Variants in CPNE5 observed in about 807,000 individuals in gnomAD.
CPNE5 encodes copine-5.
In CPNE5, 42 loss-of-function variants were observed where a neutral mutation model predicts 81.1. The ratio of observed to expected loss-of-function variants is 0.52; its 90% CI spans 0.40 to 0.67. The LOEUF (loss-of-function observed/expected upper bound fraction) is 0.67, where lower values mean the gene tolerates loss of function less well. Among genes scored for constraint, CPNE5 ranks in the 30% least tolerant of loss-of-function variants. The pLI, the probability that CPNE5 is intolerant of heterozygous loss-of-function variation, is 0.00. For synonymous variants in CPNE5, 313 were observed against 321.5 expected (o/e 0.97, Z 0.28); for missense variants, 612 against 815.5 (o/e 0.75, Z 3.04).
At chr6:36,760,590 A>G (rs1318439335) in intron 12 of CPNE5, among the ~76,000 whole-genome samples, 1 of 152,126 alleles carries the variant, frequency 6.6e-6, no homozygotes, top group Non-Finnish European at 1.5e-5. Flanking sequence ...GTGGTAGGCG[A>G]GCAGTGTTTG....
chr6:36,780,733 C>CCATTCATTCACTCACTCACT (rs1767972997), intron 8 of CPNE5, among the ~76,000 whole-genome samples: 1 of 152,228 alleles, frequency 6.6e-6, no homozygotes, highest in South Asian at 2.1e-4. Context: ...AACACAGCCT[C>CCATTCATTCACTCACTCACT]CATTCATTCA....
chr6:36,788,208 T>A (rs552856074), intron 8 of CPNE5, among the ~76,000 whole-genome samples: 28 of 149,758 alleles, frequency 1.9e-4, no homozygotes, highest in South Asian at 1.0e-3. Context: ...TTTAAAAAAA[T>A]TTTTTTGTAG....
chr6:36,788,644 C>G (rs1011509184), intron 8 of CPNE5, among the ~76,000 whole-genome samples: 2 of 147,208 alleles, frequency 1.4e-5, no homozygotes, highest in Non-Finnish European at 3.1e-5. Context: ...CAGTAACAAT[C>G]GTTTTACTGC....
At chr6:36,799,280 A>G (rs1769888013) in intron 4 of CPNE5, among the ~76,000 whole-genome samples, 1 of 152,084 alleles carries the variant, frequency 6.6e-6, no homozygotes, top group Non-Finnish European at 1.5e-5. Context: ...CTCAGCTTCA[A>G]TACCTCCCAT....
Position 36,741,861 on chromosome 6 carries a change from A to T in CPNE5, c.*407T>A, listed in dbSNP as rs1333510033. ...GGGCGGGGCTCAGGGACAGGAGTAG[A>T]CACCATGGGAGGATGGGACGGAGAT... is the stretch of plus-strand genomic sequence containing the variant. On this transcript the variant is annotated 3_prime_UTR_variant, in exon 21 of 21. Coordinates refer to ENST00000244751, the MANE Select transcript of CPNE5 (RefSeq NM_020939.2). The T allele has an allele frequency of 5.3e-6, 1 of 188,202 alleles. No individual in the cohort carries two copies. The highest frequency in any genetic ancestry group is 1.1e-5 in the Non-Finnish European group (1 of 91,532). The allele number at this position is 188,202 out of a possible 1,614,324, so 11.7% of individuals were successfully genotyped here.
At chr6:36,765,044 G>A (rs542026869) in intron 11 of CPNE5, among the ~76,000 whole-genome samples, 1 of 152,298 alleles carries the variant, frequency 6.6e-6, no homozygotes, top group South Asian at 2.1e-4. Context: ...GGAGATTGTG[G>A]GTACTGGCGG....
chr6:36,784,441 C>G (rs1296001542), intron 8 of CPNE5, among the ~76,000 whole-genome samples: 1 of 152,212 alleles, frequency 6.6e-6, no homozygotes, highest in Non-Finnish European at 1.5e-5. Context: ...GTCACTCTGC[C>G]TTTCGTCAAC....
At chr6:36,820,055 C>T (rs1771905542) in intron 3 of CPNE5, among the ~76,000 whole-genome samples, 1 of 152,228 alleles carries the variant, frequency 6.6e-6, no homozygotes, top group Admixed American at 6.5e-5. Flanking sequence ...TCCCTCGACC[C>T]CTGACCTCCT....
intron 1 of CPNE5, chr6:36,827,352 C>A (rs1326196585): frequency 3.2e-5 from 32 of 985,434 alleles, no homozygotes; most frequent in Non-Finnish European, 3.7e-5. Flanking sequence ...GGTGGCTTCA[C>A]CCCGTGAACA....
chr6:36,774,931 G>GA, intron 10 of CPNE5, 30 bp downstream of exon 10: 1 of 1,566,390 alleles, frequency 6.4e-7, no homozygotes, highest in Non-Finnish European at 8.8e-7. Flanking sequence ...GAAGCAGAAG[G>GA]AAAAAAGAAG....
At chr6:36,765,229 G>A in intron 11 of CPNE5, 106 bp downstream of exon 11, 1 of 1,201,256 alleles carries the variant, frequency 8.3e-7, no homozygotes, top group South Asian at 1.4e-5. Flanking sequence ...CACCCCCAGA[G>A]CCACTGCGGG....
intron 1 of CPNE5, among the ~76,000 whole-genome samples, chr6:36,833,972 G>A (rs1018390724): frequency 6.6e-6 from 1 of 151,994 alleles, no homozygotes; most frequent in Non-Finnish European, 1.5e-5. Flanking sequence ...CCTAATCCCA[G>A]CACTTTGAGA....
chr6:36,772,961 A>T (rs986387010), intron 10 of CPNE5, among the ~76,000 whole-genome samples: 1 of 151,974 alleles, frequency 6.6e-6, no homozygotes, highest in South Asian at 2.1e-4. Flanking sequence ...TGCCTCAGCC[A>T]CCTGAGTAGC....
Position 36,790,778 on chromosome 6 carries a change from C to T in CPNE5, c.528+1255G>A, listed in dbSNP as rs1382181944. Among the ~76,000 whole-genome samples the T allele has an allele frequency of 1.3e-5, 2 of 151,994 alleles. 1 individual carries two copies. Among genetic ancestry groups the T allele is most frequent in the Non-Finnish European group, 2.9e-5 (2 of 67,988 alleles). On this transcript the variant is annotated intron_variant, in intron 8 of 20. Coordinates refer to ENST00000244751, the MANE Select transcript of CPNE5 (RefSeq NM_020939.2). ...CAGGCTGGTCTCAAACTCCTGACCT[C>T]GTGATCCGCCCGCCTCGGCCTCCCA...
chr6:36,795,900 A>C (rs1769524843), intron 6 of CPNE5, among the ~76,000 whole-genome samples: 1 of 152,124 alleles, frequency 6.6e-6, no homozygotes, highest in Non-Finnish European at 1.5e-5. Context: ...CGATGGGGTA[A>C]AAGGTCCACC....
intron 11 of CPNE5, 82 bp downstream of exon 11, chr6:36,765,253 A>G (rs1766454118): frequency 6.7e-7 from 1 of 1,497,866 alleles, no homozygotes; most frequent in Admixed American, 1.8e-5. Flanking sequence ...GAGCCTGGTC[A>G]CAGCTCCGCA....
chr6:36,780,398 C>T (rs767720526), intron 8 of CPNE5, among the ~76,000 whole-genome samples: 16 of 152,178 alleles, frequency 1.1e-4, no homozygotes, highest in Non-Finnish European at 2.2e-4. Flanking sequence ...GCGGTGGCTA[C>T]GGTGGTTAGG....
At chr6:36,823,152 C>T (rs1772208803) in intron 1 of CPNE5, 54 bp from the exon 2 acceptor site, 1 of 1,440,768 alleles carries the variant, frequency 6.9e-7, no homozygotes, top group Non-Finnish European at 9.3e-7. Flanking sequence ...AGGAGGCGAC[C>T]TCAGGGGATT....
At chr6:36,794,737 G>C (rs907176489) in intron 6 of CPNE5, 88 bp from the exon 7 acceptor site, 75 of 1,173,712 alleles carry the variant, frequency 6.4e-5, no homozygotes, top group Non-Finnish European at 8.3e-5. Context: ...CAGATGCTTG[G>C]AGACAAGCGG....
Sources: gnomAD v4.1 joint callset for allele counts (sites outside exome capture counted in the v4.1 genomes callset) on GRCh38, gnomAD v4.1.1 for gene constraint, MANE v1.5 for transcripts, NCBI Gene and HGNC (gene_info 2026-07-23, HGNC 2026-07-21) for gene names.